Variants in PTPRN2 observed in about 807,000 individuals in gnomAD.
The protein encoded by PTPRN2 is receptor-type tyrosine-protein phosphatase N2.
In PTPRN2, 74 loss-of-function variants were observed where a neutral mutation model predicts 118.8. The ratio of observed to expected loss-of-function variants is 0.62; its 90% CI spans 0.52 to 0.76. The LOEUF is 0.76. Ranked by LOEUF, PTPRN2 falls within the 30% of genes least tolerant of loss-of-function variation. The probability of loss-of-function intolerance (pLI) is 0.00; values close to 1 mark genes in which losing one functional copy is unlikely to be tolerated. For synonymous variants in PTPRN2, 641 were observed against 608.0 expected, an observed-to-expected ratio of 1.05 and a Z score of -0.80; for missense variants, 1,481 against 1,394.4, an observed-to-expected ratio of 1.06 and a Z score of -0.99.
chr7:157,795,925 G>A lies in PTPRN2; in HGVS notation c.1788+102748C>T, dbSNP rs138204168. Among the ~76,000 whole-genome samples, 636 of 152,332 alleles carry A rather than the reference G, an allele frequency of 4.2e-3. 3 individuals carry two copies. Among genetic ancestry groups the A allele is most frequent in the African/African-American group, 0.014 (578 of 41,574 alleles). On this transcript the variant is annotated intron_variant, in intron 12 of 22. Transcript: ENST00000389418. ...GTGATGCTGACGCCCTCAGAAACCT[G>A]GGGCTAAGGCCACACCTGATCACCG...
chr7:158,166,842 G>A (rs1026935229), intron 6 of PTPRN2, 89 bp downstream of exon 6: 12 of 1,361,716 alleles, frequency 8.8e-6, no homozygotes, highest in African/African-American at 2.9e-5. Context: ...CAGACCCCAC[G>A]TGTGGGAAGA....
intron 2 of PTPRN2, among the ~76,000 whole-genome samples, chr7:158,330,014 C>T (rs1368640940): frequency 6.6e-6 from 1 of 151,308 alleles, no homozygotes. Context: ...CTCACACCCA[C>T]ACTCTCACCA....
chr7:158,431,839 C>T (rs1340114922), intron 2 of PTPRN2, among the ~76,000 whole-genome samples: 2 of 152,268 alleles, frequency 1.3e-5, no homozygotes, highest in Admixed American at 1.3e-4. Context: ...AGCCACCCAC[C>T]CGAGGGACAG....
intron 2 of PTPRN2, among the ~76,000 whole-genome samples, chr7:158,331,848 A>AAC (rs1804525133): frequency 1.3e-5 from 1 of 76,432 alleles, no homozygotes; most frequent in Non-Finnish European, 2.8e-5. Context: ...GACACTAACA[A>AAC]CCAGATTCTC....
chr7:158,379,993 T>C (rs2151341347), intron 2 of PTPRN2, among the ~76,000 whole-genome samples: 1 of 152,274 alleles, frequency 6.6e-6, no homozygotes, highest in African/African-American at 2.4e-5. Context: ...GTTTAGTCAC[T>C]ATCAGGAGAA....
At chr7:158,218,529 A>G (rs1017751923) in intron 3 of PTPRN2, among the ~76,000 whole-genome samples, 2 of 152,184 alleles carry the variant, frequency 1.3e-5, no homozygotes, top group Non-Finnish European at 2.9e-5. Flanking sequence ...TATACAATCA[A>G]GTTTACATGA....
chr7:158,583,835 TG>T lies in PTPRN2; in HGVS notation c.112+3722del, dbSNP rs1432814762. 3.9e-5 allele frequency among the ~76,000 whole-genome samples: 6 copies of T among 152,220 alleles called. No homozygotes were observed. In the South Asian group the frequency reaches 6.2e-4, roughly 16 times the overall value. On this transcript the variant is annotated intron_variant, in intron 1 of 22. Transcript: ENST00000389418. ...AGATGTGCAAGGAGCAGGCTCTTCT[TG>T]GGGGAAGGGACAGGTTGCTCATTAC...
intron 2 of PTPRN2, among the ~76,000 whole-genome samples, chr7:158,465,045 C>T (rs761694445): frequency 1.3e-5 from 2 of 152,242 alleles, no homozygotes; most frequent in South Asian, 2.1e-4. Context: ...GTGTTCTTAT[C>T]GCAGACTGGA....
intron 3 of PTPRN2, among the ~76,000 whole-genome samples, chr7:158,210,093 G>GA (rs1417431363): frequency 1.5e-4 from 22 of 143,818 alleles, no homozygotes; most frequent in Admixed American, 1.4e-3. Context: ...ACTACATCGA[G>GA]AAAAAAGAGA....
At chr7:157,740,504 G>C (rs1267490409) in intron 12 of PTPRN2, 1 of 152,140 alleles carries the variant, frequency 6.6e-6, no homozygotes, top group African/African-American at 2.4e-5. Flanking sequence ...AGCCTGACCA[G>C]CTCCGGAACC....
At chr7:158,379,032 T>TGCAGGGTGAG (rs71302089) in intron 2 of PTPRN2, among the ~76,000 whole-genome samples, 3,675 of 152,168 alleles carry the variant, frequency 0.024, 83 homozygotes, top group East Asian at 0.1. Context: ...AAGAGCTCCC[T>TGCAGGGTGAG]GCAGGGTGAG....
chr7:158,134,554 T>C (rs1818650302), intron 8 of PTPRN2, among the ~76,000 whole-genome samples: 1 of 152,184 alleles, frequency 6.6e-6, no homozygotes, highest in African/African-American at 2.4e-5. Context: ...CACGTAAGCC[T>C]GTGGGTGGGG....
At chr7:157,814,478 G>T (rs1806262623) in intron 12 of PTPRN2, among the ~76,000 whole-genome samples, 1 of 148,194 alleles carries the variant, frequency 6.7e-6, no homozygotes, top group African/African-American at 2.5e-5. Context: ...GAGGGGGCAG[G>T]ACAGGGACAG....
At chr7:157,633,765 T>G (rs1804115797) in intron 14 of PTPRN2, among the ~76,000 whole-genome samples, 1 of 152,176 alleles carries the variant, frequency 6.6e-6, no homozygotes, top group Admixed American at 6.5e-5. Context: ...AGGTCGGGGC[T>G]GCAGAGAAGG....
At chr7:157,840,219 G>A (rs1325177371) in intron 12 of PTPRN2, among the ~76,000 whole-genome samples, 2 of 149,300 alleles carry the variant, frequency 1.3e-5, no homozygotes, top group South Asian at 2.2e-4. Context: ...GTGTGGCCAC[G>A]TGTGACTGTG....
chr7:157,833,221 A>G (rs1385328685), intron 12 of PTPRN2, among the ~76,000 whole-genome samples: 1 of 149,016 alleles, frequency 6.7e-6, no homozygotes, highest in African/African-American at 2.5e-5. Context: ...CTTATCCAGG[A>G]GCGAGATGTG....
intron 12 of PTPRN2, among the ~76,000 whole-genome samples, chr7:157,790,025 T>TGTGGTGGGG (rs1329084416): frequency 2.4e-5 from 3 of 122,606 alleles, no homozygotes; most frequent in Non-Finnish European, 5.1e-5. Context: ...TGTGAATGTG[T>TGTGGTGGGG]GTGTGGTGGG....
chr7:158,387,646 G>A (rs530253308), intron 2 of PTPRN2, among the ~76,000 whole-genome samples: 5 of 5,520 alleles, frequency 9.1e-4, no homozygotes, highest in South Asian at 0.013. Context: ...GGGAAGACGC[G>A]GTGGCCACCA....
At chr7:157,724,593 A>G (rs1046653870) in intron 12 of PTPRN2, among the ~76,000 whole-genome samples, 8 of 152,232 alleles carry the variant, frequency 5.3e-5, no homozygotes, top group African/African-American at 1.7e-4. Flanking sequence ...CCTGCTGAGC[A>G]TCACAGCTCA....
Sources: allele counts gnomAD v4.1 joint callset (sites outside exome capture counted in the v4.1 genomes callset), GRCh38; gene constraint gnomAD v4.1.1; transcripts MANE v1.5; gene names NCBI Gene and HGNC (gene_info 2026-07-23, HGNC 2026-07-21).